RORA: variants seen among roughly 807,000 people sequenced by gnomAD.
The protein encoded by RORA is RAR related orphan receptor A.
RORA carries 7 observed loss-of-function variants against 69.5 expected under a neutral mutation model. The observed-to-expected ratio is 0.10, with a 90% CI of 0.06 to 0.19. The LOEUF is 0.19. Ranked by LOEUF, RORA falls within the 10% of genes least tolerant of loss-of-function variation. RORA has a pLI of 1.00. For missense variants in RORA, 457 were observed against 663.0 expected (o/e 0.69, Z 3.41); for synonymous variants, 261 against 240.8 (o/e 1.08, Z -0.78).
chr15:60,857,100 A>G (rs2073388311), intron 1 of RORA, among the ~76,000 whole-genome samples: 1 of 152,162 alleles, frequency 6.6e-6, no homozygotes, highest in Non-Finnish European at 1.5e-5. Context: ...AATGATACTT[A>G]GTTGGCACCT....
At chr15:60,707,502 T>C (rs1346321852) in intron 1 of RORA, among the ~76,000 whole-genome samples, 3 of 152,042 alleles carry the variant, frequency 2.0e-5, no homozygotes, top group Non-Finnish European at 4.4e-5. Context: ...TAGCTGGGTC[T>C]ACAGGTGCCC....
chr15:60,694,332 C>A (rs2070871360), intron 1 of RORA, among the ~76,000 whole-genome samples: 1 of 152,136 alleles, frequency 6.6e-6, no homozygotes, highest in Admixed American at 6.5e-5. Flanking sequence ...CTCCCATGCC[C>A]ACATCAAAAG....
chr15:60,648,424 T>C (rs983002308), intron 2 of RORA, among the ~76,000 whole-genome samples: 11 of 152,358 alleles, frequency 7.2e-5, no homozygotes, highest in Middle Eastern at 3.4e-3. Context: ...CTTAGGAAAC[T>C]GCAGCTTTTA....
chr15:61,077,963 C>T (rs1397585695), intron 1 of RORA, among the ~76,000 whole-genome samples: 1 of 152,176 alleles, frequency 6.6e-6, no homozygotes, highest in East Asian at 1.9e-4. Context: ...GGCTATGTTA[C>T]ATCCTCAATG....
intron 1 of RORA, among the ~76,000 whole-genome samples, chr15:60,927,228 T>C (rs763652081): frequency 5.3e-5 from 8 of 152,056 alleles, no homozygotes; most frequent in Non-Finnish European, 1.0e-4. Context: ...AGGTAACCAA[T>C]ACGTGAAGCA....
chr15:61,112,805 T>C (rs1050465155), intron 1 of RORA, among the ~76,000 whole-genome samples: 1 of 152,202 alleles, frequency 6.6e-6, no homozygotes, highest in Non-Finnish European at 1.5e-5. Flanking sequence ...GGCAATGGGC[T>C]TCAAGAGCAC....
At chr15:60,975,533 A>G (rs4775339) in intron 1 of RORA, among the ~76,000 whole-genome samples, 145,735 of 152,194 alleles carry the variant, frequency 0.96, 69,813 homozygotes, top group Middle Eastern at 0.99. Context: ...ACTCTGGAGA[A>G]CACTGAAATG....
chr15:60,777,761 C>T (rs954283392), intron 1 of RORA, among the ~76,000 whole-genome samples: 4 of 152,098 alleles, frequency 2.6e-5, no homozygotes, highest in South Asian at 2.1e-4. Flanking sequence ...TTTGGAGAAC[C>T]GAGAATCAAA....
At chr15:61,001,491 G>A (rs759453639) in intron 1 of RORA, among the ~76,000 whole-genome samples, 10 of 152,208 alleles carry the variant, frequency 6.6e-5, no homozygotes, top group Non-Finnish European at 1.0e-4. Flanking sequence ...TTACAGTGCC[G>A]CTGGGAGATG....
intron 3 of RORA, among the ~76,000 whole-genome samples, chr15:60,515,922 T>C (rs1443383344): frequency 1.9e-5 from 1 of 52,548 alleles, no homozygotes; most frequent in Admixed American, 3.7e-4. Context: ...TATTTATATA[T>C]ATATTTATAT....
At chr15:61,119,570 A>C (rs1020967287) in intron 1 of RORA, among the ~76,000 whole-genome samples, 12 of 151,896 alleles carry the variant, frequency 7.9e-5, no homozygotes, top group Non-Finnish European at 1.0e-4. Context: ...TGGCCCCCCA[A>C]AATGCTGGGA....
Position 60,491,167 on chromosome 15 carries a change from A to G in RORA, c.*6288T>C, listed in dbSNP as rs2065034487. The stretch of plus-strand genomic sequence containing the variant: ...ATTTTCACTATATTGCTCAAGAATT[A>G]TCTGCATTTACATATGCAATCTGTT... On this transcript the variant is annotated 3_prime_UTR_variant, in exon 11 of 11. Transcript: ENST00000335670. 6.6e-6 allele frequency: 1 copy of G among 152,192 alleles called. No homozygotes were observed. Among genetic ancestry groups the G allele is most frequent in the Admixed American group, 6.5e-5 (1 of 15,284 alleles). 9.4% of individuals were successfully genotyped at this position (152,192 alleles called of 1,614,324 possible).
intron 3 of RORA, chr15:60,520,349 A>G (rs1187181966): frequency 1.3e-5 from 2 of 152,114 alleles, no homozygotes; most frequent in South Asian, 4.1e-4. Context: ...TTCAGGAAGA[A>G]TGAGGGTTTG....
At chr15:60,897,520 A>G (rs1266932984) in intron 1 of RORA, among the ~76,000 whole-genome samples, 10 of 152,330 alleles carry the variant, frequency 6.6e-5, no homozygotes, top group African/African-American at 2.2e-4. Flanking sequence ...AGGACTCCCT[A>G]TTCTGGGGGT....
chr15:60,730,000 C>T (rs2071409177), intron 1 of RORA, among the ~76,000 whole-genome samples: 1 of 152,154 alleles, frequency 6.6e-6, no homozygotes, highest in African/African-American at 2.4e-5. Flanking sequence ...ACGACTTGTC[C>T]CTTGTCCCTT....
At chr15:60,691,080 C>T (rs2070815898) in intron 1 of RORA, among the ~76,000 whole-genome samples, 2 of 152,188 alleles carry the variant, frequency 1.3e-5, no homozygotes, top group South Asian at 4.1e-4. Flanking sequence ...TAAATTTTCT[C>T]TAAAGCTCTA....
chr15:60,673,962 T>C (rs2070513321), intron 2 of RORA, among the ~76,000 whole-genome samples: 1 of 152,210 alleles, frequency 6.6e-6, no homozygotes, highest in South Asian at 2.1e-4. Flanking sequence ...AATCTTCCAG[T>C]TACTTTGTGA....
intron 1 of RORA, among the ~76,000 whole-genome samples, chr15:61,105,230 C>T (rs1020310731): frequency 2.6e-5 from 4 of 152,052 alleles, no homozygotes; most frequent in Admixed American, 1.3e-4. Flanking sequence ...ATGTTCCATA[C>T]TTGGGTATTA....
intron 1 of RORA, among the ~76,000 whole-genome samples, chr15:60,747,669 G>T (rs540112524): frequency 6.6e-6 from 1 of 152,208 alleles, no homozygotes; most frequent in East Asian, 1.9e-4. Flanking sequence ...AAGGAGAGGC[G>T]GTTTTGAGAT....
Sources: gnomAD v4.1 joint callset for allele counts (sites outside exome capture counted in the v4.1 genomes callset) on GRCh38, gnomAD v4.1.1 for gene constraint, MANE v1.5 for transcripts, NCBI Gene and HGNC (gene_info 2026-07-23, HGNC 2026-07-21) for gene names.